ZNF385D: variants seen among roughly 807,000 people sequenced by gnomAD.
The protein encoded by ZNF385D is zinc finger protein 659.
Under a neutral mutation model 35.8 loss-of-function variants are expected in ZNF385D, and 15 were observed. That is an observed-to-expected ratio of 0.42 (90% CI 0.28 to 0.64). The LOEUF (loss-of-function observed/expected upper bound fraction) is 0.64. ZNF385D is among the 30% of genes least tolerant of loss of function. The pLI is 0.23. For missense variants in ZNF385D, 474 were observed against 494.6 expected (o/e 0.96, Z 0.39); for synonymous variants, 212 against 186.8 (o/e 1.13, Z -1.10).
At chr3:21,709,549 A>C (rs1310708576) in intron 1 of ZNF385D, among the ~76,000 whole-genome samples, 2 of 152,170 alleles carry the variant, frequency 1.3e-5, no homozygotes, top group Non-Finnish European at 2.9e-5. Flanking sequence ...GTCTACTCTT[A>C]AAGCATCAAT....
intron 3 of ZNF385D, among the ~76,000 whole-genome samples, chr3:21,550,165 G>T (rs2062517267): frequency 6.6e-6 from 1 of 152,098 alleles, no homozygotes; most frequent in African/African-American, 2.4e-5. Context: ...GGAAAGTAAA[G>T]AAGTAAAAGA....
intron 1 of ZNF385D, among the ~76,000 whole-genome samples, chr3:21,677,307 G>A (rs1159783965): frequency 6.6e-6 from 1 of 151,946 alleles, no homozygotes; most frequent in Non-Finnish European, 1.5e-5. Context: ...GAAAACACAG[G>A]TTTTTCTGGT....
chr3:21,571,304 A>G (rs2063327824), intron 2 of ZNF385D, among the ~76,000 whole-genome samples: 1 of 152,194 alleles, frequency 6.6e-6, no homozygotes, highest in Non-Finnish European at 1.5e-5. Context: ...TTTTGTTGCT[A>G]TATAGTATTC....
chr3:21,653,171 G>A (rs1025195629), intron 2 of ZNF385D, among the ~76,000 whole-genome samples: 2 of 151,962 alleles, frequency 1.3e-5, no homozygotes, highest in African/African-American at 4.8e-5. Flanking sequence ...TTTGCAACTG[G>A]TGTTTCTTCC....
At chr3:21,852,567 T>C (rs1222659474) in intron 3 of ZNF385D, among the ~76,000 whole-genome samples, 1 of 151,910 alleles carries the variant, frequency 6.6e-6, no homozygotes, top group African/African-American at 2.4e-5. Context: ...TCAAAAGAAT[T>C]CTGAAAAAAT....
At chr3:21,727,567 A>C (rs1446522924) in intron 1 of ZNF385D, among the ~76,000 whole-genome samples, 1 of 152,230 alleles carries the variant, frequency 6.6e-6, no homozygotes, top group African/African-American at 2.4e-5. Flanking sequence ...CATATGAAAA[A>C]ATGCTCATCA....
chr3:21,746,493 C>A (rs1201758391), intron 1 of ZNF385D, among the ~76,000 whole-genome samples: 2 of 152,068 alleles, frequency 1.3e-5, no homozygotes, highest in Admixed American at 6.6e-5. Context: ...TATTCATGAC[C>A]CTTTCTGATA....
intron 3 of ZNF385D, among the ~76,000 whole-genome samples, chr3:22,140,530 C>T (rs1385117758): frequency 6.6e-6 from 1 of 152,004 alleles, no homozygotes; most frequent in East Asian, 1.9e-4. Flanking sequence ...CTATACCCCC[C>T]CAAAAACATG....
intron 3 of ZNF385D, among the ~76,000 whole-genome samples, chr3:21,982,703 T>G (rs1312940827): frequency 6.6e-6 from 1 of 152,204 alleles, no homozygotes; most frequent in Admixed American, 6.5e-5. Flanking sequence ...CTATTCAGTA[T>G]AACATTGACT....
chr3:22,266,075 T>C (rs937574610), intron 2 of ZNF385D, among the ~76,000 whole-genome samples: 1 of 151,992 alleles, frequency 6.6e-6, no homozygotes. Flanking sequence ...AAATGACTCC[T>C]ACAGCCCTGG....
At chr3:22,045,475 G>A (rs1468921548) in intron 3 of ZNF385D, among the ~76,000 whole-genome samples, 2 of 152,114 alleles carry the variant, frequency 1.3e-5, no homozygotes, top group African/African-American at 2.4e-5. Flanking sequence ...AAGCCAGGAA[G>A]AGAGTCCTAT....
At chr3:21,618,843 C>G (rs2064922874) in intron 2 of ZNF385D, among the ~76,000 whole-genome samples, 1 of 152,142 alleles carries the variant, frequency 6.6e-6, no homozygotes, top group African/African-American at 2.4e-5. Flanking sequence ...TCTAGTCTAC[C>G]TTAAAACTCC....
intron 2 of ZNF385D, among the ~76,000 whole-genome samples, chr3:21,587,007 A>G (rs2063831326): frequency 6.6e-6 from 1 of 152,164 alleles, no homozygotes; most frequent in Admixed American, 6.6e-5. Context: ...AAAATGATAG[A>G]ACAGAAACAC....
chr3:21,516,412 C>A (rs2125486227), intron 3 of ZNF385D, among the ~76,000 whole-genome samples: 1 of 152,268 alleles, frequency 6.6e-6, no homozygotes, highest in Admixed American at 6.5e-5. Flanking sequence ...AGGAGAATTT[C>A]TCAGAGCAGA....
intron 3 of ZNF385D, among the ~76,000 whole-genome samples, chr3:21,798,907 A>G (rs1028384011): frequency 8.5e-5 from 13 of 152,180 alleles, no homozygotes; most frequent in African/African-American, 2.4e-4. Flanking sequence ...ATAGTTAAAA[A>G]ATATTTTCAT....
At chr3:22,087,419 A>C (rs1701105032) in intron 3 of ZNF385D, among the ~76,000 whole-genome samples, 1 of 152,144 alleles carries the variant, frequency 6.6e-6, no homozygotes, top group Non-Finnish European at 1.5e-5. Context: ...GTTCTCCCCA[A>C]AGGGAGTATA....
chr3:21,838,959 T>C (rs988820335), intron 3 of ZNF385D, among the ~76,000 whole-genome samples: 1 of 152,110 alleles, frequency 6.6e-6, no homozygotes, highest in Non-Finnish European at 1.5e-5. Flanking sequence ...CTGTCGATGC[T>C]TACAGCAGTC....
chr3:21,700,259 C>G (rs761826181), intron 1 of ZNF385D, among the ~76,000 whole-genome samples: 7 of 151,898 alleles, frequency 4.6e-5, no homozygotes, highest in Non-Finnish European at 7.4e-5. Flanking sequence ...GTATAGGGAC[C>G]AGAAGGAAGT....
intron 3 of ZNF385D, among the ~76,000 whole-genome samples, chr3:22,014,407 G>A (rs1390455718): frequency 1.3e-5 from 2 of 152,038 alleles, no homozygotes; most frequent in Admixed American, 6.6e-5. Context: ...AATCCTACAA[G>A]ATGCCAGAGA....
Sources: allele counts gnomAD v4.1 joint callset (sites outside exome capture counted in the v4.1 genomes callset), GRCh38; gene constraint gnomAD v4.1.1; transcripts MANE v1.5; gene names NCBI Gene and HGNC (gene_info 2026-07-23, HGNC 2026-07-21).